The following ASTN2 variants were observed in gnomAD, a reference collection of about 807,000 sequenced individuals.
The protein encoded by ASTN2 is astrotactin 2.
ASTN2 carries 54 observed loss-of-function variants against 139.8 expected under a neutral mutation model. The ratio of observed to expected loss-of-function variants is 0.39; its 90% CI spans 0.31 to 0.48. ASTN2 has a LOEUF of 0.48. ASTN2 is among the 20% of genes least tolerant of loss of function. ASTN2 has a pLI of 0.95. For synonymous variants in ASTN2, 756 were observed against 719.5 expected (o/e 1.05, Z -0.81); for missense variants, 1,565 against 1,725.1 (o/e 0.91, Z 1.64).
At chr9:116,490,870 A>G (rs1849499095) in intron 19 of ASTN2, among the ~76,000 whole-genome samples, 1 of 152,202 alleles carries the variant, frequency 6.6e-6, no homozygotes, top group South Asian at 2.1e-4. Context: ...AACCATATCA[A>G]TGAAGGAACT....
At chr9:117,096,249 T>A in intron 4 of ASTN2, 98 bp from the exon 5 acceptor site, 3 of 954,970 alleles carry the variant, frequency 3.1e-6, no homozygotes, top group Non-Finnish European at 1.6e-6. Flanking sequence ...ATCCCCAGAC[T>A]TTTCTCTGTA....
intron 2 of ASTN2, among the ~76,000 whole-genome samples, chr9:117,233,297 C>T (rs911162592): frequency 6.6e-6 from 1 of 152,198 alleles, no homozygotes; most frequent in African/African-American, 2.4e-5. Flanking sequence ...CAGTACCAGG[C>T]TCAGTGGAAG....
chr9:117,342,949 GGGAATTTCA>G (rs1193501221), intron 1 of ASTN2, among the ~76,000 whole-genome samples: 1 of 152,098 alleles, frequency 6.6e-6, no homozygotes. Flanking sequence ...GAAGTCCCAT[GGGAATTTCA>G]GGAGCTTGGT....
chr9:116,578,504 C>T (rs533559437), intron 19 of ASTN2, among the ~76,000 whole-genome samples: 1 of 151,660 alleles, frequency 6.6e-6, no homozygotes, highest in Admixed American at 6.6e-5. Flanking sequence ...AATTATAATC[C>T]TCATTTTGAA....
At chr9:116,933,568 G>A (rs936143438) in intron 10 of ASTN2, among the ~76,000 whole-genome samples, 1 of 151,908 alleles carries the variant, frequency 6.6e-6, no homozygotes. Context: ...AAGATGGAGA[G>A]GAAAACAGAA....
intron 13 of ASTN2, among the ~76,000 whole-genome samples, chr9:116,773,895 T>G (rs1830015289): frequency 6.6e-6 from 1 of 152,150 alleles, no homozygotes; most frequent in South Asian, 2.1e-4. Context: ...CATACATTGT[T>G]CCCAAATTAG....
At chr9:116,595,146 TACTA>T (rs983883959) in intron 19 of ASTN2, among the ~76,000 whole-genome samples, 27 of 152,200 alleles carry the variant, frequency 1.8e-4, no homozygotes, top group African/African-American at 4.6e-4. Flanking sequence ...ATGAAGATAA[TACTA>T]ACTAATTTTC....
Position 116,733,532 on chromosome 9 carries a change from A to T in ASTN2, c.2397-9T>A. 2 of 1,614,064 alleles carry T rather than the reference A, an allele frequency of 1.2e-6. No individual in the cohort carries two copies. The highest frequency in any genetic ancestry group is 1.7e-6 in the Non-Finnish European group (2 of 1,179,952). ...TGATGAAGTTGTTCTCCCTGTGGAG[A>T]GGAGCAGAGAGACTGCCAAATCGAG... is the stretch of plus-strand genomic sequence containing the variant. On this transcript the variant is annotated splice_polypyrimidine_tract_variant and intron_variant, in intron 13 of 22. Coordinates refer to ENST00000313400, the MANE Select transcript of ASTN2 (RefSeq NM_001365068.1).
At chr9:116,935,784 C>T (rs1204036031) in intron 10 of ASTN2, among the ~76,000 whole-genome samples, 1 of 152,166 alleles carries the variant, frequency 6.6e-6, no homozygotes, top group Non-Finnish European at 1.5e-5. Context: ...TTGTTTTGAG[C>T]ATTAACTAGT....
intron 19 of ASTN2, among the ~76,000 whole-genome samples, chr9:116,616,939 C>T (rs1855887871): frequency 6.6e-6 from 1 of 152,208 alleles, no homozygotes; most frequent in East Asian, 1.9e-4. Flanking sequence ...TGCGCAAACA[C>T]ATATGCACTC....
chr9:116,721,064 G>T (rs576916771), intron 16 of ASTN2, among the ~76,000 whole-genome samples: 1 of 152,336 alleles, frequency 6.6e-6, no homozygotes, highest in South Asian at 2.1e-4. Context: ...AGTGGATGTG[G>T]CAGCCTTGGG....
At chr9:117,134,028 G>T (rs1430544576) in intron 4 of ASTN2, among the ~76,000 whole-genome samples, 2 of 151,854 alleles carry the variant, frequency 1.3e-5, no homozygotes, top group Non-Finnish European at 2.9e-5. Context: ...TTTGTCAAAA[G>T]GGGCGGTAAA....
chr9:116,493,382 T>C (rs1278314042), intron 19 of ASTN2, among the ~76,000 whole-genome samples: 1 of 151,580 alleles, frequency 6.6e-6, no homozygotes, highest in Non-Finnish European at 1.5e-5. Context: ...GAGTTGGGAG[T>C]CGCTGTACAG....
chr9:116,991,096 A>G (rs1270139614), intron 7 of ASTN2, among the ~76,000 whole-genome samples: 1 of 152,166 alleles, frequency 6.6e-6, no homozygotes, highest in Non-Finnish European at 1.5e-5. Context: ...GAGACCATTC[A>G]ACATCGTAGC....
chr9:117,195,828 C>T (rs913037512), intron 3 of ASTN2, among the ~76,000 whole-genome samples: 6 of 152,282 alleles, frequency 3.9e-5, no homozygotes, highest in Admixed American at 3.9e-4. Flanking sequence ...CATGAGTTCC[C>T]TGCACCCTTG....
intron 16 of ASTN2, among the ~76,000 whole-genome samples, chr9:116,717,287 G>A (rs1045294950): frequency 5.0e-5 from 4 of 80,334 alleles, no homozygotes; most frequent in African/African-American, 1.6e-4. Flanking sequence ...AATCTAAACC[G>A]GGGAACAAAT....
At chr9:116,467,600 A>T (rs932148690) in intron 20 of ASTN2, among the ~76,000 whole-genome samples, 1 of 152,214 alleles carries the variant, frequency 6.6e-6, no homozygotes, top group African/African-American at 2.4e-5. Context: ...GAACTCCTGG[A>T]TTCAGCTGGG....
intron 19 of ASTN2, among the ~76,000 whole-genome samples, chr9:116,524,256 C>A (rs1250726382): frequency 6.6e-6 from 1 of 152,152 alleles, no homozygotes; most frequent in African/African-American, 2.4e-5. Flanking sequence ...TATCTTCTTA[C>A]AAATTTTTGT....
In ASTN2 at chr9:116,425,801, C is replaced by T; in HGVS notation, c.*50G>A. On this transcript the variant is annotated 3_prime_UTR_variant, in exon 23 of 23. Coordinates refer to ENST00000313400, the MANE Select transcript of ASTN2 (RefSeq NM_001365068.1). ...GGCCCCAGGATCCAGGAGAATACTG[C>T]TCCCCCTCCCATGGAGAGTCTCTGT... is the stretch of plus-strand genomic sequence containing the variant. 1 of 1,611,938 alleles carries T rather than the reference C, an allele frequency of 6.2e-7. No individual in the cohort carries two copies. The highest frequency in any genetic ancestry group is 8.5e-7 in the Non-Finnish European group (1 of 1,178,472).
Sources: allele counts gnomAD v4.1 joint callset (sites outside exome capture counted in the v4.1 genomes callset), GRCh38; gene constraint gnomAD v4.1.1; transcripts MANE v1.5; gene names NCBI Gene and HGNC (gene_info 2026-07-23, HGNC 2026-07-21).